Variants in CACNG8 observed in about 807,000 individuals in gnomAD.
CACNG8 encodes the protein voltage-dependent calcium channel gamma-8 subunit.
A neutral mutation model predicts 26.9 loss-of-function variants in CACNG8; 5 were observed. That is an observed-to-expected ratio of 0.19 (90% CI 0.10 to 0.39). The LOEUF (loss-of-function observed/expected upper bound fraction) is 0.39. Among genes scored for constraint, CACNG8 ranks in the 10% least tolerant of loss-of-function variants. The pLI, the probability that CACNG8 is intolerant of heterozygous loss-of-function variation, is 1.00. For synonymous variants in CACNG8, 321 were observed against 296.7 expected (o/e 1.08, Z -0.84); for missense variants, 473 against 609.4 (o/e 0.78, Z 2.36).
Position 53,963,014 on chromosome 19 carries a change from C to CAA in CACNG8, c.-129_-128insAA. On this transcript the variant is annotated 5_prime_UTR_variant, in exon 1 of 4. Transcript: ENST00000270458. The stretch of plus-strand genomic sequence containing the variant: ...CCGCAGCCTCCTCCTCGCCGCCCCC[C>CAA]TCCCCAGCCCCGCCGGCCCCGGGCC... The CAA allele has an allele frequency of 2.7e-6, 1 of 371,910 alleles. No individual in the cohort carries two copies. The highest frequency in any genetic ancestry group is 4.6e-6 in the Non-Finnish European group (1 of 217,514). The allele number at this position is 371,910 out of a possible 1,614,324, so 23.0% of individuals were successfully genotyped here. A position where few individuals can be genotyped will look rare whatever the true frequency, so the allele number is the denominator to read the frequency against.
At chr19:53,963,496 G>A (rs2069255009) in intron 1 of CACNG8, 71 bp downstream of exon 1, 1 of 1,379,668 alleles carries the variant, frequency 7.2e-7, no homozygotes, top group Admixed American at 3.2e-5. Flanking sequence ...TCCCGGGGCT[G>A]CCTGTCCCTG....
Position 53,963,370 on chromosome 19 carries a change from G to A in CACNG8, c.228G>A (p.Lys76=). The A allele has an allele frequency of 6.3e-7, 1 of 1,587,924 alleles. No individual in the cohort carries two copies. ...GCGGGGGCGGCGGCGCCTCGGAGAA[G>A]AAGGACCCCGGCGGCCTCACGCACT... The change falls in exon 1 of 4, where the codon AAG becomes AAA. Residue 76 remains lysine (K), a synonymous_variant. Coordinates refer to ENST00000270458, the MANE Select transcript of CACNG8 (RefSeq NM_031895.6).
Position 53,990,204 on chromosome 19 carries a change from C to T in CACNG8, c.*7355C>T, listed in dbSNP as rs902052395. The T allele has an allele frequency of 1.2e-4, 18 of 152,824 alleles. No individual in the cohort carries two copies. The highest frequency in any genetic ancestry group is 7.8e-4 in the Admixed American group (12 of 15,288). 9.5% of individuals were successfully genotyped at this position (152,824 alleles called of 1,614,324 possible). ...CCAGGGGTGCCCCGTCTAATAAACT[C>T]GATGAAGAGGAGTGCTGCTTTCATT... On this transcript the variant is annotated 3_prime_UTR_variant, in exon 4 of 4. Coordinates refer to ENST00000270458, the MANE Select transcript of CACNG8 (RefSeq NM_031895.6).
At position 53,982,463 on chromosome 19, in the gene CACNG8, G is replaced by T. The variant is rs1328454910; in HGVS notation, c.892G>T (p.Gly298Cys). 8 of 1,515,498 alleles carry T rather than the reference G, an allele frequency of 5.3e-6. No individual in the cohort carries two copies. In the South Asian group the frequency reaches 6.1e-5, roughly 12 times the overall value. The allele number at this position is 1,515,498 out of a possible 1,614,324, so 93.9% of individuals were successfully genotyped here. A position where few individuals can be genotyped will look rare whatever the true frequency, so the allele number is the denominator to read the frequency against. The change falls in exon 4 of 4, where the codon GGC becomes TGC. Residue 298 changes from glycine (G) to cysteine (C), a missense_variant. Transcript: ENST00000270458. The surrounding 1 kb of genome is among the most constrained non-coding windows in gnomAD (Gnocchi z 8.4). Reference sequence around the variant, plus strand: ...GTCTCCCGGCGGCCCCGGGGGCCCGGGCTTTGCCTCCACGGACATCTCCAT... The same window carrying T: ...GTCTCCCGGCGGCCCCGGGGGCCCGTGCTTTGCCTCCACGGACATCTCCAT...
At chr19:53,974,240 G>A (rs1237949684) in intron 1 of CACNG8, among the ~76,000 whole-genome samples, 1 of 152,172 alleles carries the variant, frequency 6.6e-6, no homozygotes, top group Non-Finnish European at 1.5e-5. Flanking sequence ...ATTTCACTGA[G>A]TATAATGTCT....
At chr19:53,977,301 C>T in intron 1 of CACNG8, among the ~76,000 whole-genome samples, 1 of 152,178 alleles carries the variant, frequency 6.6e-6, no homozygotes, top group East Asian at 1.9e-4. Flanking sequence ...ACAGCATGGG[C>T]AGAGGTCTGC....
chr19:53,970,347 G>A (rs1207103433), intron 1 of CACNG8, among the ~76,000 whole-genome samples: 1 of 149,754 alleles, frequency 6.7e-6, no homozygotes, highest in Non-Finnish European at 1.5e-5. Context: ...ACACAAGGAT[G>A]GGCCAGTGGC....
chr19:53,980,057 C>CGTGTGT lies in CACNG8; in HGVS notation c.508+74_508+79dup, dbSNP rs56223082. ...CCGGGGCGGCCCACCTGGGCGCGCA[C>CGTGTGT]GTGTGTGTGTGTGTGTGTGTGTGTG... On this transcript the variant is annotated intron_variant, in intron 3 of 3. Coordinates refer to ENST00000270458, the MANE Select transcript of CACNG8 (RefSeq NM_031895.6). The CGTGTGT allele has an allele frequency of 4.2e-4, 468 of 1,104,344 alleles. 1 individual carries two copies. The highest frequency in any genetic ancestry group is 2.5e-3 in the Admixed American group (81 of 32,622). The allele number at this position is 1,104,344 out of a possible 1,614,324, so 68.4% of individuals were successfully genotyped here.
At chr19:53,970,528 G>A (rs2069296343) in intron 1 of CACNG8, among the ~76,000 whole-genome samples, 1 of 149,896 alleles carries the variant, frequency 6.7e-6, no homozygotes, top group Admixed American at 6.7e-5. Context: ...GGGAGGCTGA[G>A]GCAGGAGAAT....
chr19:53,980,100 G>C, intron 3 of CACNG8, 93 bp downstream of exon 3: 3 of 1,314,262 alleles, frequency 2.3e-6, no homozygotes, highest in Non-Finnish European at 3.0e-6. Flanking sequence ...GCGCGCGCGT[G>C]AGTGCAAGTG....
intron 1 of CACNG8, among the ~76,000 whole-genome samples, chr19:53,968,712 T>C (rs1247391950): frequency 7.4e-6 from 1 of 134,858 alleles, no homozygotes; most frequent in Non-Finnish European, 1.5e-5. Flanking sequence ...AGGTTTGCAG[T>C]GAGCTGAGAT....
At chr19:53,964,405 C>G (rs573179120) in intron 1 of CACNG8, among the ~76,000 whole-genome samples, 135 of 152,128 alleles carry the variant, frequency 8.9e-4, no homozygotes, top group African/African-American at 2.8e-3. Flanking sequence ...CATCAGTGCC[C>G]CCACCCATGT....
intron 1 of CACNG8, among the ~76,000 whole-genome samples, chr19:53,970,641 A>C (rs1340316451): frequency 6.6e-6 from 1 of 151,162 alleles, no homozygotes; most frequent in Non-Finnish European, 1.5e-5. Context: ...GAAAAAGGAA[A>C]TATAACACAA....
At chr19:53,981,934 C>G in intron 3 of CACNG8, 146 bp from the exon 4 acceptor site, 1 of 738,966 alleles carries the variant, frequency 1.4e-6, no homozygotes, top group Non-Finnish European at 1.9e-6. Context: ...AGATCCAGGA[C>G]GGGGGTCTAG....
At chr19:53,971,546 G>T (rs917039575) in intron 1 of CACNG8, among the ~76,000 whole-genome samples, 36 of 152,278 alleles carry the variant, frequency 2.4e-4, no homozygotes, top group East Asian at 1.9e-4. Context: ...CATCTGCATG[G>T]GACAGCCCAG....
chr19:53,981,915 G>C (rs1016479261), intron 3 of CACNG8, among the ~76,000 whole-genome samples, 165 bp from the exon 4 acceptor site: 1 of 151,886 alleles, frequency 6.6e-6, no homozygotes, highest in Admixed American at 6.6e-5. Context: ...GGCAGGACTT[G>C]GGTCAGCCAG....
intron 1 of CACNG8, among the ~76,000 whole-genome samples, chr19:53,967,721 G>C (rs11878888): frequency 0.041 from 6,222 of 152,222 alleles, 394 homozygotes; most frequent in African/African-American, 0.14. Flanking sequence ...TGTAGTCCCA[G>C]CTACTTGGTA....
chr19:53,968,720 G>T (rs1289782768), intron 1 of CACNG8, among the ~76,000 whole-genome samples: 1 of 135,500 alleles, frequency 7.4e-6, no homozygotes, highest in Non-Finnish European at 1.5e-5. Context: ...AGTGAGCTGA[G>T]ATCGTGCCAC....
chr19:53,967,359 G>A (rs1483493980), intron 1 of CACNG8, among the ~76,000 whole-genome samples: 1 of 152,112 alleles, frequency 6.6e-6, no homozygotes, highest in African/African-American at 2.4e-5. Context: ...TTAAATTTAC[G>A]ATGCCCATTA....
Sources: allele counts gnomAD v4.1 joint callset (sites outside exome capture counted in the v4.1 genomes callset), GRCh38; gene constraint gnomAD v4.1.1; non-coding constraint Gnocchi (gnomAD v3.1); transcripts MANE v1.5; gene names NCBI Gene and HGNC (gene_info 2026-07-23, HGNC 2026-07-21).